Variants in CMIP observed in about 807,000 individuals in gnomAD.
CMIP encodes the protein C-Maf-inducing protein.
Under a neutral mutation model 97.3 loss-of-function variants are expected in CMIP, and 13 were observed. The ratio of observed to expected loss-of-function variants is 0.13; its 90% CI spans 0.09 to 0.21. The LOEUF (loss-of-function observed/expected upper bound fraction) is 0.21. CMIP is among the 10% of genes least tolerant of loss of function. The pLI is 1.00. For synonymous variants in CMIP, 538 were observed against 436.3 expected, an observed-to-expected ratio of 1.23 and a Z score of -2.91; for missense variants, 847 against 1,024.9, an observed-to-expected ratio of 0.83 and a Z score of 2.37.
Position 81,670,673 on chromosome 16 carries a change from G to A in CMIP, c.929+428G>A, listed in dbSNP as rs1567650277. Among the ~76,000 whole-genome samples, 3 of 150,628 alleles carry A rather than the reference G, an allele frequency of 2.0e-5. No homozygotes were observed. The South Asian group carries it at 6.3e-4, about 32-fold the overall frequency. On this transcript the variant is annotated intron_variant, in intron 8 of 20. Transcript: ENST00000537098. ...TTTGTTTAATTTTAAATTTTCTCTC[G>A]GTGCTCCAGTTTCCTCATCTGTCAC...
At chr16:81,645,280 C>G in intron 3 of CMIP, 1 of 935,076 alleles carries the variant, frequency 1.1e-6, no homozygotes, top group East Asian at 4.0e-5. Flanking sequence ...GGGTCCTCCT[C>G]CACTCTGCAG....
chr16:81,556,825 T>C (rs991937018), intron 1 of CMIP, among the ~76,000 whole-genome samples: 4 of 152,152 alleles, frequency 2.6e-5, no homozygotes, highest in African/African-American at 9.7e-5. Context: ...AGACACCCAG[T>C]TTAAGGGACA....
intron 3 of CMIP, among the ~76,000 whole-genome samples, chr16:81,642,289 C>T (rs924119909): frequency 1.3e-5 from 2 of 152,200 alleles, no homozygotes; most frequent in East Asian, 3.8e-4. Context: ...TGGTTTGTCT[C>T]ATCTCTGTAT....
At position 81,614,665 on chromosome 16, in the gene CMIP, ATGTC is replaced by A. The variant is rs1358155162; in HGVS notation, c.427-6207_427-6204del. Among the ~76,000 whole-genome samples the A allele has an allele frequency of 6.0e-5, 9 of 150,636 alleles. No homozygotes were observed. In the East Asian group the frequency reaches 1.8e-3, roughly 30 times the overall value. On this transcript the variant is annotated intron_variant, in intron 2 of 20. Transcript: ENST00000537098. The surrounding 1 kb of genome is among the most constrained non-coding windows in gnomAD (Gnocchi z 5.3). The stretch of plus-strand genomic sequence containing the variant: ...GTGGGACTGTGGTGTGTGTGTATGT[ATGTC>A]TGTATGGTTTATGTGTGTGTGTGTG...
intron 19 of CMIP, among the ~76,000 whole-genome samples, chr16:81,706,648 A>G (rs895479292): frequency 3.3e-5 from 5 of 152,126 alleles, no homozygotes; most frequent in African/African-American, 9.7e-5. Flanking sequence ...CGAGTCAATG[A>G]CGACGGGGGG....
At position 81,683,756 on chromosome 16, in the gene CMIP, C is replaced by CTTTTTTT. The variant is rs71272426; in HGVS notation, c.1388+5145_1388+5151dup. On this transcript the variant is annotated intron_variant, in intron 10 of 20. Coordinates refer to ENST00000537098, the MANE Select transcript of CMIP (RefSeq NM_198390.3). ...TTATATGTGTTTATTTTTTCTTTTTCTTTTTTTTTTTTTTTTTTTTTTTGC... is the reference window on the plus strand; with the variant it reads ...TTATATGTGTTTATTTTTTCTTTTTCTTTTTTTTTTTTTTTTTTTTTTTTTTTTTTGC... Among the ~76,000 whole-genome samples, 771 of 81,668 alleles carry CTTTTTTT rather than the reference C, an allele frequency of 9.4e-3. 5 individuals carry two copies. The highest frequency in any genetic ancestry group is 0.011 in the Non-Finnish European group (457 of 42,898). 53.6% of individuals were successfully genotyped at this position (81,668 alleles called of 152,430 possible).
chr16:81,696,737 A>T (rs1906767985), intron 14 of CMIP, 70 bp downstream of exon 14: 1 of 1,426,638 alleles, frequency 7.0e-7, no homozygotes, highest in Non-Finnish European at 9.5e-7. Context: ...CTAGTAAAAC[A>T]GCCGTCCCCC....
chr16:81,487,357 A>G (rs2089333069), intron 1 of CMIP, among the ~76,000 whole-genome samples: 1 of 152,104 alleles, frequency 6.6e-6, no homozygotes, highest in Admixed American at 6.5e-5. Flanking sequence ...CCCGCTTCAA[A>G]CCTGGGTGGT....
intron 1 of CMIP, among the ~76,000 whole-genome samples, chr16:81,517,652 A>T (rs1053989185): frequency 6.6e-6 from 1 of 152,208 alleles, no homozygotes; most frequent in Admixed American, 6.5e-5. Flanking sequence ...AAAGTATGTA[A>T]TAGGCCATTA....
At chr16:81,563,573 G>T (rs1029072180) in intron 1 of CMIP, among the ~76,000 whole-genome samples, 2 of 152,188 alleles carry the variant, frequency 1.3e-5, no homozygotes, top group African/African-American at 4.8e-5. Flanking sequence ...GGCGATACAT[G>T]TGCACATTAA....
At chr16:81,512,877 C>T (rs552758810) in intron 1 of CMIP, among the ~76,000 whole-genome samples, 31 of 152,238 alleles carry the variant, frequency 2.0e-4, no homozygotes, top group Admixed American at 3.3e-4. Context: ...GCTGGGATTA[C>T]AGGCACGCAC....
chr16:81,642,616 C>T (rs914953846), intron 3 of CMIP, among the ~76,000 whole-genome samples: 4 of 152,194 alleles, frequency 2.6e-5, no homozygotes, highest in Non-Finnish European at 5.9e-5. Context: ...GGAGACAACC[C>T]AAGAGTTCAT....
chr16:81,709,580 T>C (rs977230341), intron 20 of CMIP, among the ~76,000 whole-genome samples, 166 bp from the exon 21 acceptor site: 1 of 152,200 alleles, frequency 6.6e-6, no homozygotes, highest in African/African-American at 2.4e-5. Flanking sequence ...TGCTCTGTTC[T>C]CTGCCTAAGG....
chr16:81,667,791 A>AGTGTGT (rs1268856193), intron 7 of CMIP, among the ~76,000 whole-genome samples: 4 of 102,880 alleles, frequency 3.9e-5, no homozygotes, highest in Non-Finnish European at 4.1e-5. Flanking sequence ...AGAGAGAGAG[A>AGTGTGT]GAGAGAGAGT....
chr16:81,676,315 C>G (rs575909697), intron 9 of CMIP, among the ~76,000 whole-genome samples: 2 of 151,924 alleles, frequency 1.3e-5, no homozygotes, highest in African/African-American at 2.4e-5. Context: ...ATGACGCCCC[C>G]CTCAGCCAGT....
chr16:81,520,204 T>C (rs556204758), intron 1 of CMIP: 1 of 152,350 alleles, frequency 6.6e-6, no homozygotes, highest in East Asian at 1.9e-4. Context: ...TCCTGCTGGC[T>C]GGGTTTGAAC....
intron 3 of CMIP, among the ~76,000 whole-genome samples, chr16:81,646,797 G>A (rs1387321590): frequency 6.6e-6 from 1 of 152,220 alleles, no homozygotes; most frequent in Non-Finnish European, 1.5e-5. Flanking sequence ...CTTGTAGCAT[G>A]TGGGTAATTC....
At chr16:81,464,472 C>G (rs1275466415) in intron 1 of CMIP, 3 of 151,200 alleles carry the variant, frequency 2.0e-5, no homozygotes, top group Non-Finnish European at 4.4e-5. Context: ...CCAGGAAAAT[C>G]TTGATCAGGG....
chr16:81,656,248 T>C (rs2092480563), intron 4 of CMIP, among the ~76,000 whole-genome samples: 2 of 152,134 alleles, frequency 1.3e-5, no homozygotes, highest in Admixed American at 6.5e-5. Flanking sequence ...CAAAAGCAAA[T>C]TCATAGCTCG....
Sources: allele counts gnomAD v4.1 joint callset (sites outside exome capture counted in the v4.1 genomes callset), GRCh38; gene constraint gnomAD v4.1.1; non-coding constraint Gnocchi (gnomAD v3.1); transcripts MANE v1.5; gene names NCBI Gene and HGNC (gene_info 2026-07-23, HGNC 2026-07-21).